Variants in PLPP1 observed in about 807,000 individuals in gnomAD.
PLPP1 encodes the protein phospholipid phosphatase 1, also known as lipid phosphate phosphohydrolase 1a.
A neutral mutation model predicts 31.2 loss-of-function variants in PLPP1; 24 were observed. That is an observed-to-expected ratio of 0.77 (90% CI 0.56 to 1.08). PLPP1 has a LOEUF of 1.08. Among genes scored for constraint, PLPP1 ranks in the 50% least tolerant of loss-of-function variants. The pLI is 0.00. For missense variants in PLPP1, 319 were observed against 342.7 expected, an observed-to-expected ratio of 0.93 and a Z score of 0.55; for synonymous variants, 146 against 126.3, an observed-to-expected ratio of 1.16 and a Z score of -1.05.
At chr5:55,439,615 TA>T (rs1751574372) in intron 4 of PLPP1, among the ~76,000 whole-genome samples, 1 of 152,220 alleles carries the variant, frequency 6.6e-6, no homozygotes, top group South Asian at 2.1e-4. Flanking sequence ...ATATCCTTCA[TA>T]TGTGGCTGCA....
chr5:55,426,378 G>A (rs1379826772), intron 4 of PLPP1, among the ~76,000 whole-genome samples: 2 of 152,082 alleles, frequency 1.3e-5, no homozygotes, highest in African/African-American at 2.4e-5. Flanking sequence ...TCATAGTCAA[G>A]ACCAGTGCTG....
At chr5:55,495,704 T>A (rs941297507) in intron 1 of PLPP1, among the ~76,000 whole-genome samples, 5 of 152,018 alleles carry the variant, frequency 3.3e-5, no homozygotes, top group Non-Finnish European at 5.9e-5. Context: ...GTTAAATATG[T>A]CAAAATTATG....
intron 1 of PLPP1, among the ~76,000 whole-genome samples, chr5:55,494,909 AG>A (rs1752971747): frequency 6.6e-6 from 1 of 150,982 alleles, no homozygotes; most frequent in African/African-American, 2.4e-5. Context: ...TCACGAGGTC[AG>A]GAGTTCGAGA....
chr5:55,488,055 A>T (rs1176649563), intron 1 of PLPP1, among the ~76,000 whole-genome samples: 1 of 152,186 alleles, frequency 6.6e-6, no homozygotes, highest in Admixed American at 6.5e-5. Context: ...CCTGGGCAAC[A>T]GGACAAGACT....
intron 1 of PLPP1, among the ~76,000 whole-genome samples, chr5:55,520,189 G>A (rs1216243972): frequency 6.6e-6 from 1 of 152,116 alleles, no homozygotes; most frequent in Non-Finnish European, 1.5e-5. Context: ...TGAGCTGTGG[G>A]AATACTGTTC....
chr5:55,485,149 C>A (rs1481749600), intron 1 of PLPP1: 1 of 152,138 alleles, frequency 6.6e-6, no homozygotes, highest in Non-Finnish European at 1.5e-5. Flanking sequence ...TCACAGGAAC[C>A]CCCAGAGTTG....
At chr5:55,484,428 A>G (rs193237212) in intron 1 of PLPP1, 55 of 152,298 alleles carry the variant, frequency 3.6e-4, no homozygotes, top group African/African-American at 1.3e-3. Context: ...TTTCAACAAT[A>G]GAAACCCATA....
intron 4 of PLPP1, among the ~76,000 whole-genome samples, chr5:55,427,248 A>G (rs1751226353): frequency 1.3e-5 from 2 of 152,212 alleles, no homozygotes; most frequent in Admixed American, 1.3e-4. Flanking sequence ...GACACTGCCT[A>G]TTTAAAATAG....
At chr5:55,504,224 C>A (rs570376362) in intron 1 of PLPP1, among the ~76,000 whole-genome samples, 1 of 151,704 alleles carries the variant, frequency 6.6e-6, no homozygotes, top group East Asian at 1.9e-4. Flanking sequence ...CAAAAATTAG[C>A]CGGGTGTGGT....
At chr5:55,522,919 C>T (rs555072164) in intron 1 of PLPP1, among the ~76,000 whole-genome samples, 178 of 152,196 alleles carry the variant, frequency 1.2e-3, no homozygotes, top group African/African-American at 4.2e-3. Flanking sequence ...GGGGTTTCAG[C>T]GTGTTAACCA....
chr5:55,475,214 T>A, intron 2 of PLPP1, 85 bp downstream of exon 2: 3 of 1,185,166 alleles, frequency 2.5e-6, no homozygotes, highest in Non-Finnish European at 3.5e-6. Context: ...TTTTGGAGGA[T>A]TACACATTTA....
At chr5:55,514,985 C>T (rs1411226448) in intron 1 of PLPP1, among the ~76,000 whole-genome samples, 1 of 152,210 alleles carries the variant, frequency 6.6e-6, no homozygotes, top group African/African-American at 2.4e-5. Context: ...ACTTTATATA[C>T]ACAGATTGTC....
chr5:55,487,089 C>A (rs1752790522), intron 1 of PLPP1, among the ~76,000 whole-genome samples: 1 of 152,132 alleles, frequency 6.6e-6, no homozygotes, highest in Non-Finnish European at 1.5e-5. Flanking sequence ...ATACAGTAAT[C>A]ATCACTTAAG....
intron 4 of PLPP1, among the ~76,000 whole-genome samples, chr5:55,432,095 CTTCTTTTTTTTTTTTTTTTT>C (rs1751370856): frequency 6.9e-6 from 1 of 145,920 alleles, no homozygotes. Context: ...TTTTCTTTTT[CTTCTTTTTTTTTTTTTTTTT>C]TTTTTTTTGG....
chr5:55,515,056 T>C (rs540353111), intron 1 of PLPP1, among the ~76,000 whole-genome samples: 69 of 152,326 alleles, frequency 4.5e-4, no homozygotes, highest in African/African-American at 1.4e-3. Flanking sequence ...AATGAAGAAA[T>C]TGAAGCTCTT....
At chr5:55,530,573 C>T (rs1273531436) in intron 1 of PLPP1, 1 of 1,305,004 alleles carries the variant, frequency 7.7e-7, no homozygotes, top group Non-Finnish European at 1.1e-6. Context: ...CATCCTGATA[C>T]TTCTTACAAG....
chr5:55,534,665 C>A lies in PLPP1; in HGVS notation c.-36G>T. ...CGGGCTGCCCGGCAAGGGCGATGGA[C>A]TGAGCTGCGGGACGGCGGCCGAGGC... is the stretch of plus-strand genomic sequence containing the variant. On this transcript the variant is annotated 5_prime_UTR_variant, in exon 1 of 6. Transcript: ENST00000307259. 6.6e-7 allele frequency: 1 copy of A among 1,524,316 alleles called. No homozygotes were observed. Among genetic ancestry groups the A allele is most frequent in the Non-Finnish European group, 8.8e-7 (1 of 1,137,096 alleles). 94.4% of individuals were successfully genotyped at this position (1,524,316 alleles called of 1,614,324 possible). A position where few individuals can be genotyped will look rare whatever the true frequency, so the allele number is the denominator to read the frequency against.
chr5:55,494,201 G>C (rs932123242), intron 1 of PLPP1, among the ~76,000 whole-genome samples: 1 of 151,742 alleles, frequency 6.6e-6, no homozygotes, highest in African/African-American at 2.4e-5. Flanking sequence ...AAGGGAGAGA[G>C]AGAGCAAGAA....
At chr5:55,473,289 T>C (rs1461754715) in intron 2 of PLPP1, among the ~76,000 whole-genome samples, 1 of 152,186 alleles carries the variant, frequency 6.6e-6, no homozygotes, top group Non-Finnish European at 1.5e-5. Flanking sequence ...TCACCAACAT[T>C]ACTGCGTAAT....
Sources: gnomAD v4.1 joint callset for allele counts (sites outside exome capture counted in the v4.1 genomes callset) on GRCh38, gnomAD v4.1.1 for gene constraint, MANE v1.5 for transcripts, NCBI Gene and HGNC (gene_info 2026-07-23, HGNC 2026-07-21) for gene names.